EYS: variants seen among roughly 807,000 people sequenced by gnomAD.
EYS encodes EGF-like photoreceptor maintenance factor.
In EYS, 250 loss-of-function variants were observed where a neutral mutation model predicts 282.1. The observed-to-expected ratio is 0.89, with a 90% CI of 0.80 to 0.98. The LOEUF (loss-of-function observed/expected upper bound fraction) is 0.98. Ranked by LOEUF, EYS falls within the 50% of genes least tolerant of loss-of-function variation. The pLI is 0.00. For missense variants in EYS, 4,016 were observed against 3,709.0 expected (o/e 1.08, Z -2.15); for synonymous variants, 1,355 against 1,282.9 (o/e 1.06, Z -1.20).
At chr6:63,777,690 T>G (rs1770099757) in intron 40 of EYS, 2 of 221,312 alleles carry the variant, frequency 9.0e-6, no homozygotes, top group Admixed American at 1.1e-4. Flanking sequence ...TCCCAATATG[T>G]AAGCCTTTGT....
intron 1 of EYS, among the ~76,000 whole-genome samples, chr6:65,673,330 G>T (rs565315600): frequency 1.3e-5 from 2 of 152,088 alleles, no homozygotes; most frequent in East Asian, 3.9e-4. Context: ...GGAAGATTTT[G>T]TGGTAAGAGG....
intron 5 of EYS, among the ~76,000 whole-genome samples, chr6:65,486,341 T>A (rs1003444010): frequency 6.6e-6 from 1 of 152,246 alleles, no homozygotes; most frequent in Non-Finnish European, 1.5e-5. Context: ...TTTAGAAATG[T>A]TTAAGTCTCT....
chr6:65,322,054 A>G (rs1769489927), intron 11 of EYS, among the ~76,000 whole-genome samples: 1 of 152,182 alleles, frequency 6.6e-6, no homozygotes, highest in Non-Finnish European at 1.5e-5. Flanking sequence ...CAAGGCAGAG[A>G]AAAGAGATGG....
chr6:63,977,043 A>G (rs778417294), intron 35 of EYS, among the ~76,000 whole-genome samples: 1 of 151,760 alleles, frequency 6.6e-6, no homozygotes. Context: ...GAGTTTTATT[A>G]TTACTCAAGT....
At chr6:63,902,567 A>G (rs1174014993) in intron 35 of EYS, among the ~76,000 whole-genome samples, 4 of 152,170 alleles carry the variant, frequency 2.6e-5, no homozygotes, top group Non-Finnish European at 5.9e-5. Flanking sequence ...ATAAATGTAT[A>G]TTATGTATGA....
chr6:63,784,591 G>T (rs1770318106), intron 39 of EYS, among the ~76,000 whole-genome samples: 1 of 152,066 alleles, frequency 6.6e-6, no homozygotes. Context: ...CATGGCTGGA[G>T]CAGGAGGAAA....
chr6:64,402,910 T>G (rs1330901884), intron 28 of EYS, among the ~76,000 whole-genome samples: 1 of 152,206 alleles, frequency 6.6e-6, no homozygotes, highest in Admixed American at 6.5e-5. Context: ...TTCAGATCTT[T>G]CCACTGAATA....
chr6:65,385,906 G>T (rs867726196), intron 7 of EYS, among the ~76,000 whole-genome samples: 12 of 152,024 alleles, frequency 7.9e-5, no homozygotes, highest in South Asian at 6.2e-4. Context: ...TAATAGCATA[G>T]AGAAGAAGAG....
At chr6:63,913,770 A>G (rs190420348) in intron 35 of EYS, among the ~76,000 whole-genome samples, 6 of 152,332 alleles carry the variant, frequency 3.9e-5, no homozygotes, top group Admixed American at 3.3e-4. Flanking sequence ...GTTATGAACA[A>G]TGCTGCTATG....
chr6:64,780,309 G>C (rs1583149877), intron 22 of EYS, among the ~76,000 whole-genome samples: 1 of 152,190 alleles, frequency 6.6e-6, no homozygotes, highest in South Asian at 2.1e-4. Flanking sequence ...AAATATAATG[G>C]TTGAAGAAAA....
chr6:65,290,267 AC>A (rs1768487120), intron 12 of EYS, among the ~76,000 whole-genome samples: 1 of 151,126 alleles, frequency 6.6e-6, no homozygotes, highest in Non-Finnish European at 1.5e-5. Context: ...AAAGTATTAA[AC>A]AAAAATCAGA....
chr6:64,811,399 G>A (rs548797914), intron 22 of EYS, among the ~76,000 whole-genome samples: 8 of 147,290 alleles, frequency 5.4e-5, no homozygotes, highest in African/African-American at 2.0e-4. Flanking sequence ...TCTTCAGCCT[G>A]AATTCTACTG....
intron 41 of EYS, among the ~76,000 whole-genome samples, chr6:63,750,872 G>A (rs1029072751): frequency 6.6e-6 from 1 of 152,188 alleles, no homozygotes; most frequent in Admixed American, 6.5e-5. Context: ...TGGTGTCTTT[G>A]TTGGGGAAGG....
At chr6:64,545,601 T>G (rs993272493) in intron 26 of EYS, among the ~76,000 whole-genome samples, 11 of 152,208 alleles carry the variant, frequency 7.2e-5, no homozygotes, top group Non-Finnish European at 1.5e-4. Context: ...GCAGATGACA[T>G]GACTGTATAT....
rs186438553 is a variant in EYS at position 65,580,855 on chromosome 6, A to G, written c.-333+58923T>C. 3.4e-3 allele frequency among the ~76,000 whole-genome samples: 521 copies of G among 152,184 alleles called. 2 individuals are homozygous for G. Among genetic ancestry groups the G allele is most frequent in the Non-Finnish European group, 4.9e-3 (335 of 67,932 alleles). Reference sequence around the variant, plus strand: ...TGTCATGTCTCCCCCAGACAGGGATATTAAAGGCCATTTTTTATCTCAAGG... The same window carrying G: ...TGTCATGTCTCCCCCAGACAGGGATGTTAAAGGCCATTTTTTATCTCAAGG... On this transcript the variant is annotated intron_variant, in intron 2 of 42. Coordinates refer to ENST00000503581, the MANE Select transcript of EYS (RefSeq NM_001142800.2).
At chr6:64,435,440 T>C (rs962919672) in intron 28 of EYS, among the ~76,000 whole-genome samples, 1 of 77,124 alleles carries the variant, frequency 1.3e-5, no homozygotes, top group African/African-American at 3.9e-5. Flanking sequence ...TCTTCTTCCT[T>C]TTTTTTTTTT....
chr6:63,897,539 T>C (rs1773564722), intron 35 of EYS, among the ~76,000 whole-genome samples: 1 of 152,170 alleles, frequency 6.6e-6, no homozygotes, highest in Non-Finnish European at 1.5e-5. Context: ...AGGCAAGATA[T>C]GGATTCTCAC....
chr6:64,923,219 C>T (rs559508397), intron 15 of EYS, among the ~76,000 whole-genome samples: 6 of 151,876 alleles, frequency 4.0e-5, no homozygotes, highest in African/African-American at 4.8e-5. Context: ...TGATGGGAGG[C>T]GAAAGGTATG....
chr6:65,334,979 C>A lies in EYS; in HGVS notation c.1766+1G>T, dbSNP rs776204925. On this transcript the variant is annotated splice_donor_variant, in intron 11 of 42. Transcript: ENST00000503581. LOFTEE classifies it high-confidence loss of function. ...TATCTGCTCAAATGATACATAAATA[C>A]CTGGGTCTATTAATTTCATCTTTAC... 37 of 1,605,028 alleles carry A rather than the reference C, an allele frequency of 2.3e-5. No homozygotes were observed. Among genetic ancestry groups the A allele is most frequent in the African/African-American group, 4.0e-5 (3 of 74,540 alleles).
Sources: gnomAD v4.1 joint callset for allele counts (sites outside exome capture counted in the v4.1 genomes callset) on GRCh38, gnomAD v4.1.1 for gene constraint, MANE v1.5 for transcripts, NCBI Gene and HGNC (gene_info 2026-07-23, HGNC 2026-07-21) for gene names.